SH3RF3: variants seen among roughly 807,000 people sequenced by gnomAD.
SH3RF3 encodes SH3 domain containing ring finger 3, also known as E3 ubiquitin-protein ligase SH3RF3.
Under a neutral mutation model 66.3 loss-of-function variants are expected in SH3RF3, and 29 were observed. The ratio of observed to expected loss-of-function variants is 0.44; its 90% CI spans 0.33 to 0.60. The LOEUF (loss-of-function observed/expected upper bound fraction) is 0.60. SH3RF3 is among the 20% of genes least tolerant of loss of function. The pLI is 0.04. For missense variants in SH3RF3, 1,194 were observed against 1,190.9 expected (o/e 1.00, Z -0.04); for synonymous variants, 583 against 532.0 (o/e 1.10, Z -1.32).
chr2:109,411,513 G>A (rs1006644692), intron 4 of SH3RF3, among the ~76,000 whole-genome samples: 1 of 152,178 alleles, frequency 6.6e-6, no homozygotes, highest in Non-Finnish European at 1.5e-5. Context: ...ATTGCTGCTC[G>A]TTTGCATCCG....
chr2:109,387,160 A>G (rs1675843940), intron 3 of SH3RF3, among the ~76,000 whole-genome samples: 2 of 152,220 alleles, frequency 1.3e-5, no homozygotes, highest in Non-Finnish European at 2.9e-5. Flanking sequence ...AAATTTACAT[A>G]TATTTTGGAC....
At chr2:109,409,710 G>A (rs1327815159) in intron 4 of SH3RF3, among the ~76,000 whole-genome samples, 2 of 152,052 alleles carry the variant, frequency 1.3e-5, no homozygotes, top group South Asian at 2.1e-4. Context: ...GAGGGAGATC[G>A]AGAGGCACGC....
chr2:109,144,669 G>A (rs1345992998), intron 1 of SH3RF3, among the ~76,000 whole-genome samples: 3 of 152,226 alleles, frequency 2.0e-5, no homozygotes, highest in East Asian at 1.9e-4. Context: ...GGTGTTCCCC[G>A]AGTCCTTATG....
At chr2:109,411,156 C>T (rs1351726161) in intron 4 of SH3RF3, among the ~76,000 whole-genome samples, 1 of 152,222 alleles carries the variant, frequency 6.6e-6, no homozygotes, top group Non-Finnish European at 1.5e-5. Flanking sequence ...GTGTCACAGT[C>T]AGCAACTCTC....
intron 1 of SH3RF3, among the ~76,000 whole-genome samples, chr2:109,161,926 G>A (rs4234109): frequency 0.81 from 123,329 of 151,800 alleles, 50,278 homozygotes; most frequent in East Asian, 0.89. Context: ...ACTCAGTGGT[G>A]CCTCCTGGGG....
intron 1 of SH3RF3, among the ~76,000 whole-genome samples, chr2:109,176,035 C>G (rs1677905591): frequency 6.6e-6 from 1 of 151,944 alleles, no homozygotes; most frequent in African/African-American, 2.4e-5. Flanking sequence ...ATCCTTGAGA[C>G]TCTGTCTTCA....
At chr2:109,356,984 G>T (rs1682958558) in intron 2 of SH3RF3, among the ~76,000 whole-genome samples, 1 of 152,118 alleles carries the variant, frequency 6.6e-6, no homozygotes, top group Non-Finnish European at 1.5e-5. Flanking sequence ...GTCCTGTAGA[G>T]ACATGCTAGC....
chr2:109,489,986 C>T (rs1047453828), intron 8 of SH3RF3, among the ~76,000 whole-genome samples: 9 of 152,214 alleles, frequency 5.9e-5, no homozygotes, highest in African/African-American at 2.2e-4. Context: ...GATCTGCCCA[C>T]CTTGGCCTCC....
chr2:109,325,792 C>T (rs140904226), intron 1 of SH3RF3, among the ~76,000 whole-genome samples: 377 of 152,300 alleles, frequency 2.5e-3, no homozygotes, highest in Non-Finnish European at 2.5e-3. Context: ...GCCTGCTGCA[C>T]CCTCCTTATT....
At chr2:109,171,190 T>C (rs1463614819) in intron 1 of SH3RF3, among the ~76,000 whole-genome samples, 1 of 152,270 alleles carries the variant, frequency 6.6e-6, no homozygotes, top group East Asian at 1.9e-4. Context: ...TTTATTTATG[T>C]ATATAAAGTA....
chr2:109,197,284 A>C (rs1360439550), intron 1 of SH3RF3, among the ~76,000 whole-genome samples: 1 of 152,116 alleles, frequency 6.6e-6, no homozygotes, highest in Non-Finnish European at 1.5e-5. Flanking sequence ...GCTGGGATGC[A>C]CTTGGCCTCA....
At chr2:109,257,309 A>AGGAAGAG (rs148165166) in intron 1 of SH3RF3, among the ~76,000 whole-genome samples, 5,734 of 149,818 alleles carry the variant, frequency 0.038, 361 homozygotes, top group African/African-American at 0.13. Flanking sequence ...TGTGGGCTTA[A>AGGAAGAG]GGAAGAGGGA....
chr2:109,162,184 A>G (rs1375719622), intron 1 of SH3RF3, among the ~76,000 whole-genome samples: 1 of 152,192 alleles, frequency 6.6e-6, no homozygotes, highest in Non-Finnish European at 1.5e-5. Flanking sequence ...CAGGACAGAT[A>G]CCATGGACCT....
chr2:109,246,804 G>A (rs1679928450), intron 1 of SH3RF3, among the ~76,000 whole-genome samples: 1 of 152,214 alleles, frequency 6.6e-6, no homozygotes, highest in Non-Finnish European at 1.5e-5. Context: ...TTGAACTGCA[G>A]TCGGATGCCC....
intron 1 of SH3RF3, among the ~76,000 whole-genome samples, chr2:109,138,609 A>G (rs766039520): frequency 2.2e-4 from 33 of 152,224 alleles, no homozygotes; most frequent in Non-Finnish European, 3.8e-4. Context: ...CTGCTGGTTC[A>G]TTCTAGTCTT....
intron 7 of SH3RF3, among the ~76,000 whole-genome samples, chr2:109,442,700 A>G (rs561694100): frequency 6.6e-6 from 1 of 152,348 alleles, no homozygotes; most frequent in South Asian, 2.1e-4. Context: ...AGCAGTCACT[A>G]AATATGAAAC....
intron 7 of SH3RF3, among the ~76,000 whole-genome samples, chr2:109,442,445 A>G (rs1308292392): frequency 6.6e-6 from 1 of 152,220 alleles, no homozygotes; most frequent in African/African-American, 2.4e-5. Context: ...TGGTAACTAC[A>G]TAGATAAATA....
At chr2:109,473,461 G>A (rs1276772889) in intron 8 of SH3RF3, among the ~76,000 whole-genome samples, 3 of 152,212 alleles carry the variant, frequency 2.0e-5, no homozygotes, top group African/African-American at 7.2e-5. Flanking sequence ...TGGGGAGGCT[G>A]TGGGGGATGT....
At chr2:109,154,690 G>GTCAGGTGGGGCCAGGGTTTGGACAAGT (rs1197347510) in intron 1 of SH3RF3, among the ~76,000 whole-genome samples, 1 of 152,192 alleles carries the variant, frequency 6.6e-6, no homozygotes, top group Non-Finnish European at 1.5e-5. Flanking sequence ...TTTGGACAAG[G>GTCAGGTGGGGCCAGGGTTTGGACAAGT]TCAGGTGGGA....
Sources: allele counts gnomAD v4.1 joint callset (sites outside exome capture counted in the v4.1 genomes callset), GRCh38; gene constraint gnomAD v4.1.1; transcripts MANE v1.5; gene names NCBI Gene and HGNC (gene_info 2026-07-23, HGNC 2026-07-21).